The following TJP1 variants were observed in gnomAD, a reference collection of about 807,000 sequenced individuals.
TJP1 encodes the protein tight junction protein ZO-1.
TJP1 carries 43 observed loss-of-function variants against 194.2 expected under a neutral mutation model. That is an observed-to-expected ratio of 0.22 (90% CI 0.17 to 0.29). The LOEUF (loss-of-function observed/expected upper bound fraction) is 0.29. Ranked by LOEUF, TJP1 falls within the 10% of genes least tolerant of loss-of-function variation. The probability of loss-of-function intolerance (pLI) is 1.00; values close to 1 mark genes in which losing one functional copy is unlikely to be tolerated. For synonymous variants in TJP1, 801 were observed against 779.0 expected (o/e 1.03, Z -0.47); for missense variants, 1,971 against 2,185.7 (o/e 0.90, Z 1.96).
Position 29,741,411 on chromosome 15 carries a change from A to C in TJP1, c.1176T>G (p.Val392=), listed in dbSNP as rs746942983. 1 of 1,606,808 alleles carries C rather than the reference A, an allele frequency of 6.2e-7. No homozygotes were observed. ...CAGGTAAATCCACATCTGGTTGCCC[A>C]ACTTGGGCATACACAGGCTTTGGTT... ...LPEPKPVYAQ[V]GQPDVDLPVS... is the part of the protein sequence containing the mutation. The change falls in exon 10 of 28, where the codon GTT becomes GTG. Residue 392 remains valine, a synonymous_variant. Coordinates refer to ENST00000614355, the MANE Select transcript of TJP1 (RefSeq NM_001330239.4).
At chr15:29,878,422 T>C (rs1481040441) in intron 2 of TJP1, among the ~76,000 whole-genome samples, 1 of 152,212 alleles carries the variant, frequency 6.6e-6, no homozygotes, top group East Asian at 1.9e-4. Context: ...TCTCCTTGAG[T>C]AGCCTCTGGA....
At chr15:29,762,243 C>A in intron 6 of TJP1, 92 bp downstream of exon 6, 1 of 1,063,520 alleles carries the variant, frequency 9.4e-7, no homozygotes. Context: ...TTCTCTTTGG[C>A]AAAACTGCTT....
chr15:29,838,229 A>C (rs1596077025), intron 2 of TJP1, among the ~76,000 whole-genome samples: 1 of 152,206 alleles, frequency 6.6e-6, no homozygotes, highest in East Asian at 1.9e-4. Context: ...GTTCAAGACT[A>C]GTCTGGCCAA....
chr15:29,859,401 A>G (rs2051987067), intron 2 of TJP1, among the ~76,000 whole-genome samples: 1 of 152,238 alleles, frequency 6.6e-6, no homozygotes, highest in Admixed American at 6.5e-5. Flanking sequence ...CCAAAGTGCA[A>G]GGCATCAGAG....
chr15:29,929,992 AC>A lies in TJP1; in HGVS notation c.306+26239del, dbSNP rs1476501031. Among the ~76,000 whole-genome samples the A allele has an allele frequency of 4.6e-5, 7 of 152,322 alleles. No individual in the cohort carries two copies. The East Asian group carries it at 1.4e-3, about 29-fold the overall frequency. ...CAACTGAAAATTTAGGGAAAAGTGG[AC>A]AATTCCAAAAATAAGTAACATTAAA... is the stretch of plus-strand genomic sequence containing the variant. On this transcript the variant is annotated intron_variant, in intron 2 of 28. Coordinates refer to the TJP1 transcript ENST00000356107.
chr15:29,747,718 A>G (rs1461993503), intron 8 of TJP1, among the ~76,000 whole-genome samples: 1 of 152,200 alleles, frequency 6.6e-6, no homozygotes, highest in Admixed American at 6.5e-5. Flanking sequence ...AGACATTACC[A>G]TCTTGGTATT....
At chr15:29,753,467 G>A (rs1298385953) in intron 8 of TJP1, among the ~76,000 whole-genome samples, 8 of 114,824 alleles carry the variant, frequency 7.0e-5, no homozygotes, top group South Asian at 3.1e-4. Context: ...CTGGGAGACA[G>A]AGCAAGACTC....
intron 2 of TJP1, among the ~76,000 whole-genome samples, chr15:29,856,214 C>T (rs993582293): frequency 6.6e-6 from 1 of 152,240 alleles, no homozygotes; most frequent in South Asian, 2.1e-4. Flanking sequence ...ATCACTTGAG[C>T]ACCGGGCAAC....
intron 1 of TJP1, among the ~76,000 whole-genome samples, chr15:29,809,524 G>A (rs1271919453): frequency 6.6e-6 from 1 of 152,152 alleles, no homozygotes; most frequent in African/African-American, 2.4e-5. Flanking sequence ...ACCTCATCAA[G>A]GAAAGTTGAC....
intron 1 of TJP1, 68 bp from the exon 2 acceptor site, chr15:29,800,770 A>ACTTT: frequency 6.7e-7 from 1 of 1,489,810 alleles, no homozygotes; most frequent in Non-Finnish European, 9.3e-7. Context: ...GTGAGCAAGA[A>ACTTT]CATCCAACAA....
At chr15:29,931,129 T>C (rs529124062) in intron 2 of TJP1, among the ~76,000 whole-genome samples, 1 of 152,082 alleles carries the variant, frequency 6.6e-6, no homozygotes, top group Non-Finnish European at 1.5e-5. Context: ...TACAATAAAC[T>C]AGAGGAAAGA....
At chr15:29,945,720 A>G (rs1331063561) in intron 2 of TJP1, among the ~76,000 whole-genome samples, 1 of 152,162 alleles carries the variant, frequency 6.6e-6, no homozygotes, top group Non-Finnish European at 1.5e-5. Context: ...AAAGCTAGAA[A>G]GAACTATGAG....
At chr15:29,901,934 C>A (rs2053647731) in intron 2 of TJP1, among the ~76,000 whole-genome samples, 1 of 151,550 alleles carries the variant, frequency 6.6e-6, no homozygotes, top group South Asian at 2.1e-4. Flanking sequence ...TACTTTGTAC[C>A]AGCCCGTAAT....
chr15:29,807,398 G>C (rs1285894956), intron 1 of TJP1, among the ~76,000 whole-genome samples: 1 of 152,150 alleles, frequency 6.6e-6, no homozygotes, highest in East Asian at 1.9e-4. Flanking sequence ...AATCTAGAGT[G>C]CTTTCAAGTT....
In TJP1 at chr15:29,718,054, T is replaced by C. The variant is rs1345797497; in HGVS notation, c.3941A>G (p.Asn1314Ser). 1 of 1,613,252 alleles carries C rather than the reference T, an allele frequency of 6.2e-7. No homozygotes were observed. The highest frequency in any genetic ancestry group is 1.7e-5 in the Admixed American group (1 of 59,922). Residue 1314 changes from asparagine to serine, a missense_variant, in exon 22 of 28, where the codon AAT (asparagine) becomes AGT (serine). Asn to Ser is a conservative substitution (Grantham distance 46). Coordinates refer to ENST00000614355, the MANE Select transcript of TJP1 (RefSeq NM_001330239.4). ...AGTTTTGTCATGTTCACTGAATTGA[T>C]TCTGAGAAGTGGGTTTGGGACCAAT... is the stretch of plus-strand genomic sequence containing the variant. Reference protein sequence around the residue: ...PIIGPKPTSQNQFSEHDKTLY... With the variant: ...PIIGPKPTSQSQFSEHDKTLY...
chr15:29,759,718 T>C (rs367780965), intron 8 of TJP1: 53 of 153,034 alleles, frequency 3.5e-4, no homozygotes, highest in African/African-American at 1.2e-3. Flanking sequence ...GGTCATGCAG[T>C]GTTTGTCTTT....
intron 15 of TJP1, chr15:29,728,819 A>C (rs1321077766): frequency 2.0e-5 from 3 of 152,234 alleles, no homozygotes; most frequent in African/African-American, 7.2e-5. Context: ...GACTACCATA[A>C]GACAAAGCAC....
intron 2 of TJP1, among the ~76,000 whole-genome samples, chr15:29,930,402 CA>C (rs2054668425): frequency 6.6e-6 from 1 of 152,078 alleles, no homozygotes; most frequent in African/African-American, 2.4e-5. Flanking sequence ...CCAAGTAACA[CA>C]AAACAATATC....
chr15:29,728,824 A>G (rs969747273), intron 15 of TJP1: 1 of 152,238 alleles, frequency 6.6e-6, no homozygotes, highest in Non-Finnish European at 1.5e-5. Flanking sequence ...CCATAAGACA[A>G]AGCACCATGG....
Sources: gnomAD v4.1 joint callset for allele counts (sites outside exome capture counted in the v4.1 genomes callset) on GRCh38, gnomAD v4.1.1 for gene constraint, MANE v1.5 for transcripts, NCBI Gene and HGNC (gene_info 2026-07-23, HGNC 2026-07-21) for gene names.